Variants in PRKACB observed in about 807,000 individuals in gnomAD.
The protein encoded by PRKACB is protein kinase cAMP-activated catalytic subunit beta, also known as cAMP-dependent protein kinase catalytic subunit beta.
Under a neutral mutation model 51.4 loss-of-function variants are expected in PRKACB, and 16 were observed. The ratio of observed to expected loss-of-function variants is 0.31; its 90% CI spans 0.21 to 0.47. PRKACB has a LOEUF of 0.47. Ranked by LOEUF, PRKACB falls within the 20% of genes least tolerant of loss-of-function variation. The pLI is 1.00. For synonymous variants in PRKACB, 147 were observed against 154.4 expected (o/e 0.95, Z 0.35); for missense variants, 309 against 464.5 (o/e 0.67, Z 3.08).
intron 2 of PRKACB, 31 bp from the exon 3 acceptor site, chr1:84,182,169 T>C (rs202240979): frequency 2.8e-6 from 4 of 1,425,666 alleles, no homozygotes; most frequent in Non-Finnish European, 3.8e-6. Context: ...TTTACGAGAA[T>C]TTTAAATTTT....
chr1:84,226,500 C>T (rs1454279745), intron 9 of PRKACB, among the ~76,000 whole-genome samples: 1 of 151,990 alleles, frequency 6.6e-6, no homozygotes, highest in East Asian at 1.9e-4. Context: ...ATTTTGGTTG[C>T]TATTATTAAT....
intron 1 of PRKACB, among the ~76,000 whole-genome samples, chr1:84,103,631 A>T (rs1440139214): frequency 2.0e-5 from 3 of 152,086 alleles, no homozygotes; most frequent in Admixed American, 2.0e-4. Context: ...CCCAGCTTAG[A>T]CCCCAGACAT....
At chr1:84,113,103 A>G (rs1650365141) in intron 1 of PRKACB, among the ~76,000 whole-genome samples, 1 of 152,220 alleles carries the variant, frequency 6.6e-6, no homozygotes, top group African/African-American at 2.4e-5. Flanking sequence ...ACATATGAAA[A>G]TATTTTATTT....
chr1:84,189,130 T>C (rs1462939388), intron 5 of PRKACB, among the ~76,000 whole-genome samples: 1 of 151,920 alleles, frequency 6.6e-6, no homozygotes, highest in East Asian at 1.9e-4. Flanking sequence ...TATTTCTTTT[T>C]CCCATTTAGA....
intron 2 of PRKACB, 54 bp from the exon 3 acceptor site, chr1:84,182,146 T>C (rs1177285313): frequency 4.8e-6 from 6 of 1,247,206 alleles, no homozygotes; most frequent in East Asian, 2.7e-5. Flanking sequence ...GCATTTATAA[T>C]TCCCATAGTG....
chr1:84,079,658 G>A (rs1440249032), intron 1 of PRKACB, among the ~76,000 whole-genome samples: 3 of 151,992 alleles, frequency 2.0e-5, no homozygotes, highest in African/African-American at 4.8e-5. Flanking sequence ...GAGGTAGAAT[G>A]TATGTTATTT....
intron 7 of PRKACB, among the ~76,000 whole-genome samples, chr1:84,201,544 G>A (rs1670097828): frequency 6.6e-6 from 1 of 151,926 alleles, no homozygotes; most frequent in Admixed American, 6.6e-5. Context: ...TGCTATTCCT[G>A]TTATACCACT....
chr1:84,148,116 T>C (rs1214811184), intron 1 of PRKACB, among the ~76,000 whole-genome samples: 1 of 152,166 alleles, frequency 6.6e-6, no homozygotes, highest in Non-Finnish European at 1.5e-5. Context: ...TGGCAATGAA[T>C]AGTCAGATAA....
chr1:84,198,835 A>C (rs1288253520), intron 7 of PRKACB, among the ~76,000 whole-genome samples: 1 of 149,678 alleles, frequency 6.7e-6, no homozygotes, highest in Non-Finnish European at 1.5e-5. Context: ...GTATGTACAT[A>C]TATGTATATA....
Position 84,089,100 on chromosome 1 carries a change from T to C in PRKACB, c.46+10729T>C, listed in dbSNP as rs77982719. 9.8e-3 allele frequency among the ~76,000 whole-genome samples: 1,487 copies of C among 152,264 alleles called. 54 individuals are homozygous for C. Among genetic ancestry groups the C allele is most frequent in the East Asian group, 0.037 (192 of 5,184 alleles). The stretch of plus-strand genomic sequence containing the variant: ...ACTACAGTGTGATCTGGCAAAGCAG[T>C]GTCTATGTTGTTTAGTGTTTTAATC... On this transcript the variant is annotated intron_variant, in intron 1 of 8. Transcript: ENST00000370688.
intron 7 of PRKACB, among the ~76,000 whole-genome samples, chr1:84,198,857 G>GTA (rs572962472): frequency 2.6e-3 from 390 of 148,012 alleles, no homozygotes; most frequent in African/African-American, 9.0e-3. Flanking sequence ...GTGTATATGT[G>GTA]TATATATATA....
chr1:84,160,040 C>T (rs1187600175), intron 1 of PRKACB, among the ~76,000 whole-genome samples: 3 of 151,936 alleles, frequency 2.0e-5, no homozygotes, highest in African/African-American at 4.8e-5. Context: ...CTGTGGTTTT[C>T]GTTTGATCTT....
chr1:84,201,246 A>C lies in PRKACB; in HGVS notation c.784-1437A>C, dbSNP rs549346825. On this transcript the variant is annotated intron_variant, in intron 7 of 9. Transcript: ENST00000370685. Reference sequence around the variant, plus strand: ...CATTTTTAAAATATTTACTGATTTCATAGGCAATAAATTGTATCTCATTGT... The same window carrying C: ...CATTTTTAAAATATTTACTGATTTCCTAGGCAATAAATTGTATCTCATTGT... Among the ~76,000 whole-genome samples, 14 of 152,208 alleles carry C rather than the reference A, an allele frequency of 9.2e-5. No homozygotes were observed. The South Asian group carries it at 2.7e-3, about 29-fold the overall frequency.
At chr1:84,110,068 A>G (rs1444146162) in intron 1 of PRKACB, among the ~76,000 whole-genome samples, 1 of 151,956 alleles carries the variant, frequency 6.6e-6, no homozygotes, top group Admixed American at 6.6e-5. Context: ...GTATGTGTGC[A>G]TATATACATG....
At chr1:84,180,599 CA>C (rs1253292410) in intron 2 of PRKACB, among the ~76,000 whole-genome samples, 2 of 151,622 alleles carry the variant, frequency 1.3e-5, no homozygotes, top group Non-Finnish European at 2.9e-5. Context: ...ATATTATAAC[CA>C]AAAAAATTAA....
chr1:84,133,403 T>C (rs1486487731), intron 1 of PRKACB, among the ~76,000 whole-genome samples: 1 of 152,110 alleles, frequency 6.6e-6, no homozygotes, highest in Non-Finnish European at 1.5e-5. Context: ...AAAATAATGA[T>C]AAAAGGAAAA....
chr1:84,116,428 T>G (rs2100865662), intron 1 of PRKACB, among the ~76,000 whole-genome samples: 1 of 152,246 alleles, frequency 6.6e-6, no homozygotes, highest in South Asian at 2.1e-4. Context: ...GTAGATTGCT[T>G]TGGGAAGTAT....
chr1:84,090,546 A>C (rs1460503089), intron 1 of PRKACB, among the ~76,000 whole-genome samples: 1 of 152,204 alleles, frequency 6.6e-6, no homozygotes. Flanking sequence ...CTAGAAACAC[A>C]TGAAGCCTTG....
intron 8 of PRKACB, chr1:84,204,418 C>T: frequency 7.8e-7 from 1 of 1,279,002 alleles, no homozygotes; most frequent in Non-Finnish European, 1.1e-6. Context: ...CACTGCTGTT[C>T]TTCTTACATT....
Sources: gnomAD v4.1 joint callset for allele counts (sites outside exome capture counted in the v4.1 genomes callset) on GRCh38, gnomAD v4.1.1 for gene constraint, MANE v1.5 for transcripts, NCBI Gene and HGNC (gene_info 2026-07-23, HGNC 2026-07-21) for gene names.